The following LIPG variants were observed in gnomAD, a reference collection of about 807,000 sequenced individuals.
LIPG encodes the protein lipase G, endothelial type.
LIPG carries 34 observed loss-of-function variants against 51.8 expected under a neutral mutation model. That is an observed-to-expected ratio of 0.66 (90% CI 0.50 to 0.87). The LOEUF is 0.87. Ranked by LOEUF, LIPG falls within the 40% of genes least tolerant of loss-of-function variation. The pLI, the probability that LIPG is intolerant of heterozygous loss-of-function variation, is 0.00. For missense variants in LIPG, 580 were observed against 652.7 expected, an observed-to-expected ratio of 0.89 and a Z score of 1.21; for synonymous variants, 246 against 246.1, an observed-to-expected ratio of 1.00 and a Z score of 0.00.
rs776619668 is a variant in LIPG at position 49,575,485 on chromosome 18, A to G, written c.688A>G (p.Ile230Val). The G allele has an allele frequency of 6.2e-7, 1 of 1,614,214 alleles. No individual in the cohort carries two copies. Among genetic ancestry groups the G allele is most frequent in the African/African-American group, 1.3e-5 (1 of 75,060 alleles). Residue 230 changes from isoleucine to valine, a missense_variant, in exon 5 of 10, where the codon ATT becomes GTT. Coordinates refer to ENST00000261292, the MANE Select transcript of LIPG (RefSeq NM_006033.4). ...CTACACGCGTTCCTTCGGCTTGAGC[A>G]TTGGTATTCAGATGCCTGTGGGCCA... ...HTYTRSFGLS[I>V]GIQMPVGHID...
Position 49,581,663 on chromosome 18 carries a change from C to T in LIPG, c.1036+6C>T. 1.9e-6 allele frequency: 3 copies of T among 1,612,500 alleles called. No homozygotes were observed. The highest frequency in any genetic ancestry group is 1.1e-5 in the South Asian group (1 of 91,072). On this transcript the variant is annotated splice_donor_region_variant and intron_variant, in intron 6 of 9. Transcript: ENST00000261292. ...GGCAGGCATGCCTTTCAGAGGTAAC[C>T]TTCAGTCCCTGGAGTGTCCCTGAGG...
At chr18:49,583,141 G>A (rs1016059562) in intron 7 of LIPG, among the ~76,000 whole-genome samples, 3 of 152,150 alleles carry the variant, frequency 2.0e-5, no homozygotes, top group African/African-American at 7.2e-5. Flanking sequence ...GGGGGGAGCT[G>A]GTTTTCCCCA....
intron 9 of LIPG, chr18:49,589,975 A>G: frequency 5.3e-6 from 1 of 187,042 alleles, no homozygotes; most frequent in Non-Finnish European, 1.1e-5. Context: ...CCTGACATGG[A>G]TGCTGTTCAC....
At chr18:49,576,587 C>T (rs1445873138) in intron 5 of LIPG, among the ~76,000 whole-genome samples, 1 of 150,010 alleles carries the variant, frequency 6.7e-6, no homozygotes, top group Non-Finnish European at 1.5e-5. Flanking sequence ...CCTGTCTCAG[C>T]CCCAGTAGCT....
chr18:49,562,466 T>C, intron 1 of LIPG, 61 bp downstream of exon 1: 1 of 1,409,956 alleles, frequency 7.1e-7, no homozygotes, highest in Non-Finnish European at 1.0e-6. Flanking sequence ...CCCTCTGTCT[T>C]GCTGATTCTT....
chr18:49,582,552 G>A (rs2084831585), intron 7 of LIPG, 70 bp downstream of exon 7: 3 of 1,599,328 alleles, frequency 1.9e-6, no homozygotes, highest in Admixed American at 3.3e-5. Flanking sequence ...GAGAGCACAA[G>A]GGAGCGTGTG....
At chr18:49,576,894 G>A (rs2084725206) in intron 5 of LIPG, among the ~76,000 whole-genome samples, 1 of 152,176 alleles carries the variant, frequency 6.6e-6, no homozygotes, top group Non-Finnish European at 1.5e-5. Flanking sequence ...CTACAGACAT[G>A]TGCCACTGCA....
At chr18:49,561,839 C>G, upstream of LIPG, 1 of 1,252,414 alleles carries the variant, frequency 8.0e-7, no homozygotes, top group Non-Finnish European at 1.0e-6. Context: ...GTCGCAGCTG[C>G]CTGCGGAGCG....
rs1173545557 is a variant in LIPG at position 49,598,905 on chromosome 18, T to G, written c.*8383T>G. ...CCTTCTTGTACTCAGCATAATTATT[T>G]TGAGATTCATCCACGTCTTTGCATG... is the stretch of plus-strand genomic sequence containing the variant. On this transcript the variant is annotated 3_prime_UTR_variant, in exon 10 of 10. Transcript: ENST00000261292. The G allele has an allele frequency of 6.6e-6, 1 of 152,232 alleles. No individual in the cohort carries two copies. Among genetic ancestry groups the G allele is most frequent in the Non-Finnish European group, 1.5e-5 (1 of 68,048 alleles). 9.4% of individuals were successfully genotyped at this position (152,232 alleles called of 1,614,324 possible). A position where few individuals can be genotyped will look rare whatever the true frequency, so the allele number is the denominator to read the frequency against.
intron 9 of LIPG, among the ~76,000 whole-genome samples, chr18:49,587,437 C>T (rs142354224): frequency 0.027 from 3,965 of 149,274 alleles, 86 homozygotes; most frequent in Middle Eastern, 0.06. Flanking sequence ...GGCATGGTGA[C>T]GGGTGCCTGT....
intron 9 of LIPG, among the ~76,000 whole-genome samples, chr18:49,588,928 T>TA (rs1166786994): frequency 6.6e-6 from 1 of 152,110 alleles, no homozygotes; most frequent in Non-Finnish European, 1.5e-5. Context: ...CCCAGGGACT[T>TA]ACATAATGAT....
rs139154050 is a variant in LIPG, at chr18:49,586,199, T to A, written c.1377-547T>A. ...ACTTGCAGCTGAGTTGCAGTTGCTC[T>A]TGTCAATGGATATTTACAGAGCACT... On this transcript the variant is annotated intron_variant, in intron 8 of 9. Transcript: ENST00000261292. Among the ~76,000 whole-genome samples, 625 of 152,370 alleles carry A rather than the reference T, an allele frequency of 4.1e-3. 5 individuals are homozygous for A. The highest frequency in any genetic ancestry group is 0.014 in the African/African-American group (599 of 41,588).
chr18:49,578,044 G>C (rs1319009411), intron 5 of LIPG, among the ~76,000 whole-genome samples: 1 of 146,438 alleles, frequency 6.8e-6, no homozygotes, highest in East Asian at 2.1e-4. Context: ...CTCCCTCCCG[G>C]ATGGCACGGC....
At chr18:49,590,368 A>C in intron 9 of LIPG, 133 bp from the exon 10 acceptor site, 18 of 883,028 alleles carry the variant, frequency 2.0e-5, no homozygotes, top group Non-Finnish European at 3.0e-5. Flanking sequence ...TCTGAAAGGA[A>C]TACATGTAAA....
chr18:49,581,836 C>G, intron 6 of LIPG, 179 bp downstream of exon 6: 1 of 745,820 alleles, frequency 1.3e-6, no homozygotes, highest in South Asian at 1.6e-5. Flanking sequence ...ACAAAATAAA[C>G]AGTGTGGACC....
At chr18:49,577,833 C>A (rs1409652920) in intron 5 of LIPG, among the ~76,000 whole-genome samples, 1 of 115,446 alleles carries the variant, frequency 8.7e-6, no homozygotes, top group Non-Finnish European at 1.8e-5. Flanking sequence ...GGCGGCTGGC[C>A]GGGTGGGGGG....
Position 49,582,469 on chromosome 18 carries a change from C to T in LIPG, c.1144C>T (p.Leu382=), listed in dbSNP as rs1399659877. 7.4e-6 allele frequency: 12 copies of T among 1,614,270 alleles called. No homozygotes were observed. The highest frequency in any genetic ancestry group is 9.3e-6 in the Non-Finnish European group (11 of 1,180,050). The part of the protein sequence containing the change: ...LYGTNADSQT[L]PLEIVERIEQ... ...TGGCACTAATGCAGATTCCCAGACT[C>T]TGCCACTGGAAATGTAAGTCATCCG... is the stretch of plus-strand genomic sequence containing the variant. The change falls in exon 7 of 10, where the codon CTG becomes TTG. Residue 382 remains leucine, a synonymous_variant. Transcript: ENST00000261292.
Position 49,587,568 on chromosome 18 carries a change from C to CAAAAAAAAAA in LIPG, c.1481+735_1481+744dup, listed in dbSNP as rs34734805. On this transcript the variant is annotated intron_variant, in intron 9 of 9. Coordinates refer to ENST00000261292, the MANE Select transcript of LIPG (RefSeq NM_006033.4). ...TGGGTGACAGAGTGAGACTCCGTCT[C>CAAAAAAAAAA]AAAAAAAAAAAAAAAAAAAAAAAAA... Among the ~76,000 whole-genome samples the CAAAAAAAAAA allele has an allele frequency of 3.8e-3, 159 of 42,308 alleles. 8 individuals carry two copies. Among genetic ancestry groups the CAAAAAAAAAA allele is most frequent in the African/African-American group, 0.012 (153 of 12,626 alleles). The allele number at this position is 42,308 out of a possible 152,430, so 27.8% of individuals were successfully genotyped here.
chr18:49,578,237 C>T (rs1404932782), intron 5 of LIPG, among the ~76,000 whole-genome samples: 1 of 143,814 alleles, frequency 7.0e-6, no homozygotes, highest in East Asian at 2.1e-4. Context: ...GGGGCGGCTG[C>T]CGGGCGGAGG....
Sources: gnomAD v4.1 joint callset for allele counts (sites outside exome capture counted in the v4.1 genomes callset) on GRCh38, gnomAD v4.1.1 for gene constraint, MANE v1.5 for transcripts, NCBI Gene and HGNC (gene_info 2026-07-23, HGNC 2026-07-21) for gene names.